Variants in XNDC1N observed in about 807,000 individuals in gnomAD.
The protein encoded by XNDC1N is protein XNDC1N.
the XNDC1N span, among the ~76,000 whole-genome samples, chr11:71,892,858 C>T: frequency 6.6e-6 from 1 of 151,986 alleles, no homozygotes; most frequent in African/African-American, 2.4e-5. Context: ...AACACAGCTC[C>T]CATTTTTGAG....
the XNDC1N span, chr11:71,915,930 G>T: frequency 1.7e-6 from 1 of 592,382 alleles, no homozygotes; most frequent in Non-Finnish European, 3.0e-6. Flanking sequence ...GTAAGAAAGG[G>T]TATCAAGCCC....
chr11:71,886,139 G>A, the XNDC1N span, among the ~76,000 whole-genome samples: 3 of 152,004 alleles, frequency 2.0e-5, no homozygotes, highest in South Asian at 4.2e-4. Context: ...GTGGAGAGGC[G>A]TGTTTTTGGG....
the XNDC1N span, chr11:71,903,448 C>T: frequency 4.4e-5 from 41 of 940,998 alleles, no homozygotes; most frequent in South Asian, 4.6e-4. Flanking sequence ...GACATCCAGT[C>T]TCACAGCAGA....
chr11:71,884,167 G>A, the XNDC1N span: 1 of 355,490 alleles, frequency 2.8e-6, no homozygotes, highest in Non-Finnish European at 5.0e-6. Context: ...TGTGGTAATA[G>A]TTCTCATTTA....
At chr11:71,900,244 C>T in the XNDC1N span, among the ~76,000 whole-genome samples, 4 of 152,174 alleles carry the variant, frequency 2.6e-5, no homozygotes, top group Non-Finnish European at 4.4e-5. Flanking sequence ...GGTGCAGATC[C>T]TTGGTATGCT....
At chr11:71,907,100 G>A in the XNDC1N span, among the ~76,000 whole-genome samples, 2 of 152,084 alleles carry the variant, frequency 1.3e-5, no homozygotes, top group Non-Finnish European at 2.9e-5. Flanking sequence ...TCCCGCTAGG[G>A]TATTGCGAAT....
At chr11:71,898,626 A>G in the XNDC1N span, among the ~76,000 whole-genome samples, 1 of 152,196 alleles carries the variant, frequency 6.6e-6, no homozygotes, top group South Asian at 2.1e-4. Context: ...ACAATTAAAT[A>G]CAGTATGATT....
the XNDC1N span, among the ~76,000 whole-genome samples, chr11:71,919,636 G>A: frequency 3.4e-5 from 3 of 89,266 alleles, no homozygotes; most frequent in Non-Finnish European, 6.1e-5. Context: ...TTTTTTTTTT[G>A]AGACAGAGTC....
chr11:71,878,914 C>T, the XNDC1N span, among the ~76,000 whole-genome samples: 2 of 151,996 alleles, frequency 1.3e-5, no homozygotes, highest in African/African-American at 4.8e-5. Flanking sequence ...GCAGGAGGAT[C>T]GCTTGAGCCT....
At chr11:71,895,845 G>T in the XNDC1N span, among the ~76,000 whole-genome samples, 1 of 152,120 alleles carries the variant, frequency 6.6e-6, no homozygotes, top group Non-Finnish European at 1.5e-5. Context: ...ACCCAATGAA[G>T]TATTATGCAA....
chr11:71,890,490 C>T, the XNDC1N span, among the ~76,000 whole-genome samples: 1 of 151,926 alleles, frequency 6.6e-6, no homozygotes, highest in Admixed American at 6.5e-5. Flanking sequence ...TATCATCCTC[C>T]CGCCCACTGG....
the XNDC1N span, among the ~76,000 whole-genome samples, chr11:71,895,475 A>AAT: frequency 2.0e-5 from 2 of 98,354 alleles, no homozygotes; most frequent in African/African-American, 3.7e-5. Context: ...ATGCCTGGCT[A>AAT]TTTTTTTTTT....
At chr11:71,914,607 A>G in the XNDC1N span, among the ~76,000 whole-genome samples, 1 of 151,956 alleles carries the variant, frequency 6.6e-6, no homozygotes, top group Admixed American at 6.6e-5. Context: ...GAATTGCTTG[A>G]ACCCGGGAGG....
chr11:71,913,252 A>C, the XNDC1N span, among the ~76,000 whole-genome samples: 2 of 151,972 alleles, frequency 1.3e-5, no homozygotes, highest in African/African-American at 2.4e-5. Context: ...GGGGTGTGGA[A>C]ACCCCCTGCG....
At chr11:71,889,612 G>T in the XNDC1N span, among the ~76,000 whole-genome samples, 1 of 152,202 alleles carries the variant, frequency 6.6e-6, no homozygotes, top group Non-Finnish European at 1.5e-5. Context: ...TCGAGGTCAG[G>T]AGTCACTGGA....
the XNDC1N span, chr11:71,919,033 AAG>A: frequency 1.4e-6 from 1 of 702,558 alleles, no homozygotes; most frequent in South Asian, 1.5e-5. Context: ...GATCCTAAGT[AAG>A]AGAGGAGGAG....
At chr11:71,896,732 G>A in the XNDC1N span, among the ~76,000 whole-genome samples, 1 of 152,318 alleles carries the variant, frequency 6.6e-6, no homozygotes, top group East Asian at 1.9e-4. Flanking sequence ...CCCAGCTAAT[G>A]TTGTATTTCT....
At chr11:71,908,958 A>C in the XNDC1N span, among the ~76,000 whole-genome samples, 1 of 152,140 alleles carries the variant, frequency 6.6e-6, no homozygotes. Flanking sequence ...AGGATTAATG[A>C]GGGGAGCTCA....
chr11:71,908,133 G>T, the XNDC1N span, among the ~76,000 whole-genome samples: 1 of 151,816 alleles, frequency 6.6e-6, no homozygotes, highest in African/African-American at 2.4e-5. Context: ...GTATTAGGGC[G>T]TAATATTAGT....
Sources: allele counts gnomAD v4.1 joint callset (sites outside exome capture counted in the v4.1 genomes callset), GRCh38; gene constraint gnomAD v4.1.1; transcripts MANE v1.5; gene names NCBI Gene and HGNC (gene_info 2026-07-23, HGNC 2026-07-21).